Variants in FER observed in about 807,000 individuals in gnomAD.
FER encodes the protein tyrosine-protein kinase Fer.
FER carries 63 observed loss-of-function variants against 111.0 expected under a neutral mutation model. The ratio of observed to expected loss-of-function variants is 0.57; its 90% CI spans 0.46 to 0.70. FER has a LOEUF of 0.70. Ranked by LOEUF, FER falls within the 30% of genes least tolerant of loss-of-function variation. FER has a pLI of 0.00. For synonymous variants in FER, 327 were observed against 313.9 expected (o/e 1.04, Z -0.44); for missense variants, 914 against 954.0 (o/e 0.96, Z 0.55).
At chr5:108,823,369 A>G (rs1406139225) in intron 3 of FER, among the ~76,000 whole-genome samples, 3 of 152,244 alleles carry the variant, frequency 2.0e-5, no homozygotes, top group Admixed American at 6.5e-5. Context: ...TATGTTTTAC[A>G]TAATGGGTGT....
intron 10 of FER, among the ~76,000 whole-genome samples, chr5:108,928,174 G>A (rs1217753168): frequency 6.6e-6 from 1 of 152,198 alleles, no homozygotes; most frequent in Non-Finnish European, 1.5e-5. Flanking sequence ...AAATGCAGGA[G>A]CTTCTTGTGG....
At chr5:109,122,528 A>C (rs2126507882) in intron 17 of FER, among the ~76,000 whole-genome samples, 1 of 152,254 alleles carries the variant, frequency 6.6e-6, no homozygotes, top group Non-Finnish European at 1.5e-5. Flanking sequence ...TGAGAAAAAA[A>C]AAAAAGGCAT....
At position 109,052,454 on chromosome 5, in the gene FER, G is replaced by C. The variant is rs2227874; in HGVS notation, c.1924+5256G>C. The stretch of plus-strand genomic sequence containing the variant: ...AGTTTGCCTAAAGTGCTCCAGTCAC[G>C]CATGTTGCCTGGGCACCACTCTTTT... On this transcript the variant is annotated intron_variant, in intron 16 of 19. Coordinates refer to ENST00000281092, the MANE Select transcript of FER (RefSeq NM_005246.4). 14 of 1,210,962 alleles carry C rather than the reference G, an allele frequency of 1.2e-5. No homozygotes were observed. In the South Asian group the frequency reaches 1.7e-4, roughly 15 times the overall value. The allele number at this position is 1,210,962 out of a possible 1,614,324, so 75.0% of individuals were successfully genotyped here.
At chr5:108,904,703 A>G (rs142501349) in intron 10 of FER, among the ~76,000 whole-genome samples, 31 of 152,276 alleles carry the variant, frequency 2.0e-4, no homozygotes, top group Non-Finnish European at 2.5e-4. Flanking sequence ...GTTTATGTGT[A>G]AGATATATTT....
chr5:109,142,456 A>C (rs1753629824), intron 17 of FER, among the ~76,000 whole-genome samples: 1 of 152,140 alleles, frequency 6.6e-6, no homozygotes, highest in South Asian at 2.1e-4. Flanking sequence ...AATTTTCATC[A>C]AAGAGGTAGG....
At chr5:108,965,619 T>A (rs1166161210) in intron 13 of FER, among the ~76,000 whole-genome samples, 1 of 152,170 alleles carries the variant, frequency 6.6e-6, no homozygotes, top group Non-Finnish European at 1.5e-5. Flanking sequence ...TAAATCAAAT[T>A]TACTGTAAGT....
chr5:109,181,264 G>A (rs1379819582), intron 18 of FER, among the ~76,000 whole-genome samples: 2 of 152,068 alleles, frequency 1.3e-5, no homozygotes, highest in African/African-American at 4.8e-5. Flanking sequence ...TCTGATGTTA[G>A]GTTCCTAAAA....
chr5:108,938,824 T>A (rs1311734138), intron 10 of FER, among the ~76,000 whole-genome samples: 1 of 151,958 alleles, frequency 6.6e-6, no homozygotes, highest in Admixed American at 6.6e-5. Flanking sequence ...CATGTGATGA[T>A]AGTGTCCAAG....
intron 3 of FER, chr5:108,820,494 A>G: frequency 1.5e-5 from 15 of 985,452 alleles, no homozygotes; most frequent in Non-Finnish European, 1.8e-5. Context: ...GAGGAGCACC[A>G]AGAAGCTGGA....
At chr5:109,022,844 A>G (rs1182913670) in intron 13 of FER, among the ~76,000 whole-genome samples, 1 of 152,166 alleles carries the variant, frequency 6.6e-6, no homozygotes, top group East Asian at 1.9e-4. Flanking sequence ...GAATCAAAAG[A>G]GGACCTCAGA....
intron 17 of FER, among the ~76,000 whole-genome samples, chr5:109,153,572 T>C (rs1203115969): frequency 6.6e-6 from 1 of 151,892 alleles, no homozygotes; most frequent in Non-Finnish European, 1.5e-5. Flanking sequence ...AGCACCAGAA[T>C]CACTTCTTAA....
At chr5:108,972,472 CAT>C (rs996790080) in intron 13 of FER, among the ~76,000 whole-genome samples, 2 of 152,180 alleles carry the variant, frequency 1.3e-5, no homozygotes, top group African/African-American at 4.8e-5. Flanking sequence ...CATACATACT[CAT>C]AAAGCATCTC....
At chr5:108,753,160 C>T (rs1391537208) in intron 1 of FER, among the ~76,000 whole-genome samples, 1 of 152,076 alleles carries the variant, frequency 6.6e-6, no homozygotes, top group African/African-American at 2.4e-5. Context: ...TATTCAGCTT[C>T]TGTATTCAGT....
intron 13 of FER, among the ~76,000 whole-genome samples, chr5:108,993,918 A>C (rs565958118): frequency 6.6e-6 from 1 of 152,150 alleles, no homozygotes; most frequent in East Asian, 1.9e-4. Context: ...AGCCCCTTAA[A>C]TGTCTTCTTT....
intron 2 of FER, among the ~76,000 whole-genome samples, chr5:108,789,632 A>T (rs1303004381): frequency 6.6e-6 from 1 of 151,476 alleles, no homozygotes; most frequent in Non-Finnish European, 1.5e-5. Flanking sequence ...TTTTTAAAAG[A>T]CAGTGTCTCA....
intron 13 of FER, among the ~76,000 whole-genome samples, chr5:108,983,496 G>GA (rs1326099931): frequency 1.3e-5 from 2 of 152,100 alleles, no homozygotes; most frequent in Non-Finnish European, 2.9e-5. Context: ...TTCTAGGTAT[G>GA]AAATATATGT....
intron 10 of FER, among the ~76,000 whole-genome samples, chr5:108,905,674 T>G (rs1176586406): frequency 6.6e-6 from 1 of 152,158 alleles, no homozygotes; most frequent in Non-Finnish European, 1.5e-5. Flanking sequence ...ATTTAACAGT[T>G]AATTGAAAGT....
chr5:108,954,236 A>G (rs1043047467), intron 11 of FER, among the ~76,000 whole-genome samples: 2 of 152,248 alleles, frequency 1.3e-5, no homozygotes, highest in Non-Finnish European at 1.5e-5. Flanking sequence ...ACAGAAAGGC[A>G]CAGCAGCAAG....
chr5:108,946,059 C>G, intron 10 of FER, 71 bp from the exon 11 acceptor site: 1 of 1,025,666 alleles, frequency 9.7e-7, no homozygotes, highest in South Asian at 1.4e-5. Flanking sequence ...GGATAAGTAC[C>G]TAAATACATA....
Sources: gnomAD v4.1 joint callset for allele counts (sites outside exome capture counted in the v4.1 genomes callset) on GRCh38, gnomAD v4.1.1 for gene constraint, MANE v1.5 for transcripts, NCBI Gene and HGNC (gene_info 2026-07-23, HGNC 2026-07-21) for gene names.